Variants in ZSCAN2 observed in about 807,000 individuals in gnomAD.
ZSCAN2 encodes the protein zinc finger and SCAN domain containing 2.
ZSCAN2 carries 26 observed loss-of-function variants against 47.8 expected under a neutral mutation model. That is an observed-to-expected ratio of 0.54 (90% CI 0.40 to 0.75). ZSCAN2 has a LOEUF of 0.75. Among genes scored for constraint, ZSCAN2 ranks in the 30% least tolerant of loss-of-function variants. The pLI is 0.00. For missense variants in ZSCAN2, 732 were observed against 785.4 expected (o/e 0.93, Z 0.81); for synonymous variants, 305 against 288.7 (o/e 1.06, Z -0.57).
chr15:84,607,607 C>G (rs1436376811), intron 2 of ZSCAN2, among the ~76,000 whole-genome samples: 1 of 152,154 alleles, frequency 6.6e-6, no homozygotes, highest in South Asian at 2.1e-4. Context: ...CTCCTGGGTT[C>G]AAGTGATTCT....
chr15:84,622,523 A>G lies in ZSCAN2; in HGVS notation c.*483A>G. On this transcript the variant is annotated 3_prime_UTR_variant, in exon 3 of 3. Transcript: ENST00000546148. ...GCTGTTAGTGTTCCAGGGCACCCCA[A>G]GCTGTCAGTTAGAATCTGCTCTTCT... The G allele has an allele frequency of 5.8e-6, 4 of 685,158 alleles. No homozygotes were observed. Among genetic ancestry groups the G allele is most frequent in the Non-Finnish European group, 2.7e-6 (1 of 369,050 alleles). The allele number at this position is 685,158 out of a possible 1,614,324, so 42.4% of individuals were successfully genotyped here. A position where few individuals can be genotyped will look rare whatever the true frequency, so the allele number is the denominator to read the frequency against.
intron 2 of ZSCAN2, chr15:84,612,300 C>T (rs973728606): frequency 6.6e-6 from 1 of 152,352 alleles, no homozygotes; most frequent in African/African-American, 2.4e-5. Flanking sequence ...TTCCTTTGGT[C>T]TTCGCTGGAT....
At chr15:84,605,866 T>A (rs1895365680) in intron 2 of ZSCAN2, among the ~76,000 whole-genome samples, 1 of 152,224 alleles carries the variant, frequency 6.6e-6, no homozygotes, top group Non-Finnish European at 1.5e-5. Flanking sequence ...GGAAATATGC[T>A]TAGCATCTAA....
Position 84,612,566 on chromosome 15 carries a change from C to T in ZSCAN2, c.407-8036C>T, listed in dbSNP as rs771919765. On this transcript the variant is annotated intron_variant, in intron 2 of 2. Coordinates refer to ENST00000546148, the MANE Select transcript of ZSCAN2 (RefSeq NM_181877.4). The stretch of plus-strand genomic sequence containing the variant: ...TGGCTAACACGGTGAAACCCTGTCT[C>T]TACTAAAAATACAAAAAAATTAGCC... Among the ~76,000 whole-genome samples the T allele has an allele frequency of 1.7e-4, 26 of 152,074 alleles. 1 individual carries two copies. Among genetic ancestry groups the T allele is most frequent in the Non-Finnish European group, 3.7e-4 (25 of 68,014 alleles).
At chr15:84,601,628 T>A (rs544128793) in intron 1 of ZSCAN2, among the ~76,000 whole-genome samples, 3 of 152,220 alleles carry the variant, frequency 2.0e-5, no homozygotes, top group Admixed American at 1.3e-4. Context: ...CTTTTTTTTT[T>A]AAGCTTTTGT....
chr15:84,604,476 C>T (rs11856038), intron 2 of ZSCAN2, 143 bp downstream of exon 2: 240 of 1,096,266 alleles, frequency 2.2e-4, no homozygotes, highest in Non-Finnish European at 2.8e-4. Context: ...AGGCAGTCAG[C>T]GTGTTCATCA....
At position 84,619,207 on chromosome 15, in the gene ZSCAN2, G is replaced by A. The variant is rs187787417; in HGVS notation, c.407-1395G>A. Reference sequence around the variant, plus strand: ...AGCACTTTGGGAGGCCGAGGCGGGCGGATCACAAGGTCAGGAGATCGAGAC... The same window carrying A: ...AGCACTTTGGGAGGCCGAGGCGGGCAGATCACAAGGTCAGGAGATCGAGAC... On this transcript the variant is annotated intron_variant, in intron 2 of 2. Transcript: ENST00000546148. Among the ~76,000 whole-genome samples, 1,016 of 152,210 alleles carry A rather than the reference G, an allele frequency of 6.7e-3. 6 individuals are homozygous for A. Among genetic ancestry groups the A allele is most frequent in the Middle Eastern group, 0.02 (6 of 294 alleles).
Position 84,604,611 on chromosome 15 carries a change from T to G in ZSCAN2, c.406+278T>G, listed in dbSNP as rs553728189. Among the ~76,000 whole-genome samples, 72 of 152,288 alleles carry G rather than the reference T, an allele frequency of 4.7e-4. 2 individuals are homozygous for G. The highest frequency in any genetic ancestry group is 3.7e-3 in the Admixed American group (56 of 15,300). On this transcript the variant is annotated intron_variant, in intron 2 of 2. Coordinates refer to ENST00000546148, the MANE Select transcript of ZSCAN2 (RefSeq NM_181877.4). ...TTATTTGGAGTGGTTGGGAAGGTGA[T>G]GGAAGTTAAACGGGAGGAGATGGAG...
chr15:84,620,868 C>T lies in ZSCAN2; in HGVS notation c.673C>T (p.Pro225Ser), dbSNP rs763800056. The T allele has an allele frequency of 1.2e-6, 2 of 1,613,972 alleles. No homozygotes were observed. The highest frequency in any genetic ancestry group is 2.2e-5 in the South Asian group (2 of 91,074). Residue 225 changes from proline to serine, a missense_variant, in exon 3 of 3, where the codon CCC becomes TCC. Around this residue, in one of 2 missense-constraint regions of ZSCAN2, gnomAD observed 320 missense variants for 287.4 expected, o/e 1.11. Coordinates refer to ENST00000546148, the MANE Select transcript of ZSCAN2 (RefSeq NM_181877.4). ...TYLGEKPYECPQCGKTFSRKS... is the reference protein window; with the variant it reads ...TYLGEKPYECSQCGKTFSRKS... ...CCTAGGGGAGAAGCCCTACGAATGT[C>T]CCCAGTGTGGGAAGACCTTCAGCCG...
intron 2 of ZSCAN2, among the ~76,000 whole-genome samples, chr15:84,608,731 G>A (rs935371774): frequency 6.6e-6 from 1 of 152,058 alleles, no homozygotes; most frequent in African/African-American, 2.4e-5. Flanking sequence ...ATGGGGTATG[G>A]CCTGGGCAAG....
chr15:84,614,076 A>C (rs565842971), intron 2 of ZSCAN2, among the ~76,000 whole-genome samples: 6 of 140,398 alleles, frequency 4.3e-5, no homozygotes, highest in African/African-American at 1.6e-4. Context: ...CTATAATCTC[A>C]AACTCCTGGC....
intron 2 of ZSCAN2, chr15:84,614,742 C>T (rs1250128762): frequency 6.6e-6 from 1 of 151,560 alleles, no homozygotes; most frequent in Non-Finnish European, 1.5e-5. Flanking sequence ...GCCTCAGCCT[C>T]CGGAGTAGTT....
chr15:84,606,579 A>T lies in ZSCAN2; in HGVS notation c.406+2246A>T. 3 of 1,613,944 alleles carry T rather than the reference A, an allele frequency of 1.9e-6. No individual in the cohort carries two copies. The South Asian group carries it at 3.3e-5, about 18-fold the overall frequency. On this transcript the variant is annotated intron_variant, in intron 2 of 2. Transcript: ENST00000546148. ...GGTGGAGGTGACCAGTTTGTAATGA[A>T]CTTCTGGATCTCCAGTCAGATACTA...
chr15:84,620,268 T>C (rs746664441), intron 2 of ZSCAN2, among the ~76,000 whole-genome samples: 9 of 152,226 alleles, frequency 5.9e-5, no homozygotes, highest in Non-Finnish European at 2.9e-5. Context: ...GCAAAAGATA[T>C]GATCTCATTC....
chr15:84,606,443 A>T, intron 2 of ZSCAN2: 1 of 1,142,072 alleles, frequency 8.8e-7, no homozygotes. Flanking sequence ...CTTGAAGCAA[A>T]GTGCTTGATT....
intron 2 of ZSCAN2, 100 bp downstream of exon 2, chr15:84,604,433 G>T (rs1242531453): frequency 1.5e-5 from 22 of 1,437,526 alleles, no homozygotes; most frequent in South Asian, 5.5e-5. Context: ...AAGGCAGAGT[G>T]GGGGGCTAGC....
intron 2 of ZSCAN2, chr15:84,616,735 C>T (rs1394288509): frequency 3.4e-5 from 33 of 982,296 alleles, no homozygotes; most frequent in Non-Finnish European, 3.8e-5. Flanking sequence ...TGTTTTTGGT[C>T]ATGTTAGTTT....
In ZSCAN2 at chr15:84,619,709, T is replaced by A. The variant is rs546528836; in HGVS notation, c.407-893T>A. 4.0e-4 allele frequency among the ~76,000 whole-genome samples: 61 copies of A among 152,206 alleles called. 1 individual carries two copies. In the South Asian group the frequency reaches 0.012, roughly 30 times the overall value. ...ATAAAAAAACTCATTCATGCACTCA[T>A]TACATTGAATCAAGCACCAGGCATT... is the stretch of plus-strand genomic sequence containing the variant. On this transcript the variant is annotated intron_variant, in intron 2 of 2. Transcript: ENST00000546148.
At chr15:84,615,767 T>C (rs750350665) in intron 2 of ZSCAN2, among the ~76,000 whole-genome samples, 7 of 152,222 alleles carry the variant, frequency 4.6e-5, no homozygotes, top group Non-Finnish European at 8.8e-5. Context: ...CTCCTTTTCC[T>C]GTTGTCTTCA....
Sources: allele counts gnomAD v4.1 joint callset (sites outside exome capture counted in the v4.1 genomes callset), GRCh38; gene constraint gnomAD v4.1.1; regional missense constraint gnomAD v4.1.1; transcripts MANE v1.5; gene names NCBI Gene and HGNC (gene_info 2026-07-23, HGNC 2026-07-21).